The following KCNH7 variants were observed in gnomAD, a reference collection of about 807,000 sequenced individuals.
KCNH7 encodes voltage-gated inwardly rectifying potassium channel KCNH7.
In KCNH7, 49 loss-of-function variants were observed where a neutral mutation model predicts 120.8. That is an observed-to-expected ratio of 0.41 (90% CI 0.32 to 0.51). The LOEUF is 0.51. Ranked by LOEUF, KCNH7 falls within the 20% of genes least tolerant of loss-of-function variation. The pLI, the probability that KCNH7 is intolerant of heterozygous loss-of-function variation, is 0.38. For missense variants in KCNH7, 1,097 were observed against 1,446.6 expected, an observed-to-expected ratio of 0.76 and a Z score of 3.92; for synonymous variants, 547 against 516.1, an observed-to-expected ratio of 1.06 and a Z score of -0.81.
At chr2:162,738,038 T>C (rs1446135563) in intron 2 of KCNH7, among the ~76,000 whole-genome samples, 1 of 125,244 alleles carries the variant, frequency 8.0e-6, no homozygotes, top group Non-Finnish European at 1.6e-5. Flanking sequence ...CACTCCAGCC[T>C]GGGCGGCAGA....
intron 2 of KCNH7, among the ~76,000 whole-genome samples, chr2:162,683,454 A>C (rs1393090026): frequency 6.6e-6 from 1 of 151,914 alleles, no homozygotes; most frequent in Non-Finnish European, 1.5e-5. Flanking sequence ...TTACTTTTGA[A>C]ATGAAGGCAT....
chr2:162,490,817 G>T (rs559706030), intron 6 of KCNH7, among the ~76,000 whole-genome samples: 27 of 152,316 alleles, frequency 1.8e-4, no homozygotes, highest in Admixed American at 1.5e-3. Flanking sequence ...GATGTTAAGG[G>T]TGCTGCTGCA....
chr2:162,439,364 T>TAATGAAA (rs992227866), intron 7 of KCNH7, among the ~76,000 whole-genome samples: 1 of 152,054 alleles, frequency 6.6e-6, no homozygotes, highest in Non-Finnish European at 1.5e-5. Context: ...TACAAACACA[T>TAATGAAA]AATGAAAATA....
chr2:162,759,127 A>AT (rs766483428), intron 2 of KCNH7, among the ~76,000 whole-genome samples: 146 of 152,068 alleles, frequency 9.6e-4, no homozygotes, highest in Non-Finnish European at 1.6e-3. Flanking sequence ...AGGAGTAACA[A>AT]TTTTTTGTTT....
At chr2:162,549,526 G>C (rs1039649137) in intron 2 of KCNH7, among the ~76,000 whole-genome samples, 1 of 152,174 alleles carries the variant, frequency 6.6e-6, no homozygotes, top group Non-Finnish European at 1.5e-5. Context: ...AAGTTTCTCT[G>C]AAGATGGAAA....
At chr2:162,718,889 G>A (rs779572137) in intron 2 of KCNH7, among the ~76,000 whole-genome samples, 51 of 151,904 alleles carry the variant, frequency 3.4e-4, no homozygotes, top group Admixed American at 6.6e-4. Flanking sequence ...TATTTTGCCC[G>A]GTGGATATGT....
In KCNH7 at chr2:162,396,854, C is replaced by G. The variant is rs759265922; in HGVS notation, c.2499G>C (p.Leu833Phe). 6.2e-7 allele frequency: 1 copy of G among 1,611,710 alleles called. No individual in the cohort carries two copies. Among genetic ancestry groups the G allele is most frequent in the South Asian group, 1.1e-5 (1 of 91,016 alleles). The change falls in exon 11 of 16, where the codon TTG becomes TTC. Residue 833 changes from leucine to phenylalanine, a missense_variant. By Grantham distance (22) the Leu-to-Phe change is conservative. Around this residue, in one of 8 missense-constraint regions of KCNH7, gnomAD observed 101 missense variants for 176.3 expected, o/e 0.57. Transcript: ENST00000332142. ...ADVRALTYCD[L>F]HKIQREDLLE... The stretch of plus-strand genomic sequence containing the variant: ...ACAAGTCTTCTCGCTGAATCTTATG[C>G]AAGTCACAGTATGTGAGGGCTCTTA...
chr2:162,573,012 C>T (rs1337236535), intron 2 of KCNH7, among the ~76,000 whole-genome samples: 1 of 151,962 alleles, frequency 6.6e-6, no homozygotes, highest in Non-Finnish European at 1.5e-5. Flanking sequence ...CTAACCTGCA[C>T]ATTGTGCTCA....
intron 2 of KCNH7, among the ~76,000 whole-genome samples, chr2:162,633,982 A>C (rs958987063): frequency 6.6e-6 from 1 of 152,002 alleles, no homozygotes; most frequent in Non-Finnish European, 1.5e-5. Context: ...AATTTTCTTT[A>C]CATAGATCCT....
intron 6 of KCNH7, among the ~76,000 whole-genome samples, chr2:162,454,183 T>A (rs1688879634): frequency 6.6e-6 from 1 of 152,186 alleles, no homozygotes; most frequent in Admixed American, 6.5e-5. Flanking sequence ...GGCTAGCCAG[T>A]TTTCCCAGCA....
intron 6 of KCNH7, among the ~76,000 whole-genome samples, chr2:162,503,743 A>G (rs573051319): frequency 3.3e-5 from 5 of 152,192 alleles, no homozygotes; most frequent in African/African-American, 9.6e-5. Flanking sequence ...TTGTAAAAGA[A>G]CCGCTTGCTT....
At chr2:162,383,081 G>C (rs1686470584) in intron 13 of KCNH7, among the ~76,000 whole-genome samples, 3 of 151,838 alleles carry the variant, frequency 2.0e-5, no homozygotes, top group Admixed American at 2.0e-4. Flanking sequence ...ATGAAGAAGG[G>C]CATGAGAATT....
chr2:162,454,916 GA>G (rs1178258262), intron 6 of KCNH7, among the ~76,000 whole-genome samples: 1 of 152,016 alleles, frequency 6.6e-6, no homozygotes, highest in Non-Finnish European at 1.5e-5. Flanking sequence ...ATTCCTATTT[GA>G]ATACGCTTTA....
intron 2 of KCNH7, 55 bp from the exon 3 acceptor site, chr2:162,537,135 C>G: frequency 7.4e-7 from 1 of 1,355,288 alleles, no homozygotes; most frequent in Non-Finnish European, 1.0e-6. Context: ...TCTGAACTAT[C>G]AAGTAACATT....
intron 2 of KCNH7, among the ~76,000 whole-genome samples, chr2:162,801,211 T>C (rs895925552): frequency 2.0e-5 from 3 of 151,606 alleles, no homozygotes; most frequent in African/African-American, 4.8e-5. Flanking sequence ...AAATAAATAA[T>C]AATGGAACAA....
chr2:162,522,174 C>G (rs576272069), intron 3 of KCNH7, among the ~76,000 whole-genome samples: 1 of 151,830 alleles, frequency 6.6e-6, no homozygotes, highest in Non-Finnish European at 1.5e-5. Flanking sequence ...TGAACTGCAT[C>G]GAAGTCATTT....
chr2:162,576,396 T>C (rs1693672310), intron 2 of KCNH7, among the ~76,000 whole-genome samples: 1 of 152,026 alleles, frequency 6.6e-6, no homozygotes. Flanking sequence ...AGGAAGGAGA[T>C]GAAATGTCTC....
intron 6 of KCNH7, among the ~76,000 whole-genome samples, chr2:162,446,888 A>G (rs988569059): frequency 2.0e-5 from 3 of 152,118 alleles, no homozygotes; most frequent in Admixed American, 6.6e-5. Context: ...TTTAATTTAC[A>G]TATATTTAAT....
intron 13 of KCNH7, 142 bp from the exon 14 acceptor site, chr2:162,380,163 AG>A: frequency 1.1e-6 from 1 of 935,104 alleles, no homozygotes; most frequent in Non-Finnish European, 1.6e-6. Context: ...TGATGTGTCC[AG>A]GGGCCACGGC....
Sources: allele counts gnomAD v4.1 joint callset (sites outside exome capture counted in the v4.1 genomes callset), GRCh38; gene constraint gnomAD v4.1.1; regional missense constraint gnomAD v4.1.1; transcripts MANE v1.5; gene names NCBI Gene and HGNC (gene_info 2026-07-23, HGNC 2026-07-21).